The following PKNOX1 variants were observed in gnomAD, a reference collection of about 807,000 sequenced individuals.
The protein encoded by PKNOX1 is homeobox protein PKNOX1.
In PKNOX1, 15 loss-of-function variants were observed where a neutral mutation model predicts 51.9. The observed-to-expected ratio is 0.29, with a 90% CI of 0.19 to 0.45. PKNOX1 has a LOEUF of 0.45. Ranked by LOEUF, PKNOX1 falls within the 20% of genes least tolerant of loss-of-function variation. PKNOX1 has a pLI of 1.00. For missense variants in PKNOX1, 462 were observed against 547.5 expected (o/e 0.84, Z 1.56); for synonymous variants, 219 against 211.1 (o/e 1.04, Z -0.32).
chr21:42,987,757 T>C (rs1170853391), intron 1 of PKNOX1, among the ~76,000 whole-genome samples: 4 of 151,164 alleles, frequency 2.6e-5, no homozygotes, highest in Non-Finnish European at 1.5e-5. Flanking sequence ...TAGCTGGGAC[T>C]ACAGGTGCCC....
chr21:43,014,120 C>G (rs1163581147), intron 5 of PKNOX1, among the ~76,000 whole-genome samples: 1 of 147,884 alleles, frequency 6.8e-6, no homozygotes, highest in Non-Finnish European at 1.5e-5. Context: ...CTCCTGGGTT[C>G]ATGCCATTCT....
intron 7 of PKNOX1, among the ~76,000 whole-genome samples, chr21:43,019,709 A>G (rs1268968607): frequency 6.6e-6 from 1 of 151,758 alleles, no homozygotes; most frequent in African/African-American, 2.4e-5. Flanking sequence ...TGCCTGGCTA[A>G]TTTTTGTATT....
chr21:43,013,039 T>C (rs773688629), intron 4 of PKNOX1, 29 bp from the exon 5 acceptor site: 2 of 1,549,084 alleles, frequency 1.3e-6, no homozygotes, highest in South Asian at 1.2e-5. Context: ...CACCTTTTTC[T>C]CTGAAAGTCT....
At chr21:42,992,408 T>G (rs930061004) in intron 1 of PKNOX1, among the ~76,000 whole-genome samples, 1 of 152,146 alleles carries the variant, frequency 6.6e-6, no homozygotes, top group Non-Finnish European at 1.5e-5. Context: ...CTGCGTCTTC[T>G]AGAGTAGTCT....
chr21:42,987,404 A>AAAAAAATAT, intron 1 of PKNOX1, among the ~76,000 whole-genome samples: 2 of 41,408 alleles, frequency 4.8e-5, no homozygotes, highest in South Asian at 7.7e-4. Context: ...AAAAAAAAAA[A>AAAAAAATAT]ATATATATAT....
chr21:43,026,735 C>T (rs950374496), intron 9 of PKNOX1, among the ~76,000 whole-genome samples: 22 of 151,816 alleles, frequency 1.4e-4, no homozygotes, highest in Non-Finnish European at 2.5e-4. Flanking sequence ...CCAGCCTGGG[C>T]GACAGGGTGA....
chr21:43,026,237 G>A (rs747240638), intron 9 of PKNOX1, among the ~76,000 whole-genome samples: 5 of 152,112 alleles, frequency 3.3e-5, no homozygotes, highest in Non-Finnish European at 5.9e-5. Flanking sequence ...TTAACGAATT[G>A]TCTTATCTAG....
At chr21:43,005,186 T>TTA (rs1201899893) in intron 2 of PKNOX1, among the ~76,000 whole-genome samples, 1 of 152,164 alleles carries the variant, frequency 6.6e-6, no homozygotes, top group Non-Finnish European at 1.5e-5. Context: ...GCCCTGCCCT[T>TTA]TACTTTCCTG....
chr21:43,024,618 G>A (rs2276241), intron 8 of PKNOX1: 127 of 422,500 alleles, frequency 3.0e-4, no homozygotes, highest in African/African-American at 1.8e-3. Context: ...TGCTGTTATC[G>A]TCACCGCTGA....
chr21:42,974,953 G>A (rs1224149329), intron 1 of PKNOX1, among the ~76,000 whole-genome samples: 2 of 145,624 alleles, frequency 1.4e-5, no homozygotes, highest in Non-Finnish European at 3.1e-5. Flanking sequence ...GAGGGACGCG[G>A]AAATTTCTGG....
chr21:43,004,287 A>G (rs1273606980), intron 1 of PKNOX1, 39 bp from the exon 2 acceptor site: 1 of 852,488 alleles, frequency 1.2e-6, no homozygotes, highest in Non-Finnish European at 2.0e-6. Context: ...AAAATGCTCT[A>G]CAACTATTAA....
intron 9 of PKNOX1, among the ~76,000 whole-genome samples, chr21:43,028,283 G>A (rs866417592): frequency 1.3e-5 from 2 of 152,220 alleles, no homozygotes; most frequent in African/African-American, 2.4e-5. Context: ...ACGTCCAGAC[G>A]AGTGCAGACT....
chr21:42,979,318 T>C (rs1466848456), intron 1 of PKNOX1, among the ~76,000 whole-genome samples: 1 of 152,230 alleles, frequency 6.6e-6, no homozygotes, highest in African/African-American at 2.4e-5. Context: ...AGACACAAAG[T>C]GAGCTCCTGT....
chr21:43,018,238 C>A lies in PKNOX1; in HGVS notation c.720+8C>A. On this transcript the variant is annotated splice_region_variant and intron_variant, in intron 7 of 10. Coordinates refer to ENST00000291547, the MANE Select transcript of PKNOX1 (RefSeq NM_004571.5). ...AGGATCCAGAACTCCCAGGTGCGTG[C>A]GCCATTTTATGGAAGGCTTTGGGGG... 1 of 1,600,884 alleles carries A rather than the reference C, an allele frequency of 6.2e-7. No individual in the cohort carries two copies. Among genetic ancestry groups the A allele is most frequent in the East Asian group, 2.2e-5 (1 of 44,802 alleles).
chr21:43,011,592 G>T (rs1003166621), intron 4 of PKNOX1, among the ~76,000 whole-genome samples: 5 of 152,194 alleles, frequency 3.3e-5, no homozygotes, highest in African/African-American at 1.2e-4. Flanking sequence ...GTGTAACCAC[G>T]TGTTTACTTC....
At chr21:43,015,331 G>A (rs969099472) in intron 5 of PKNOX1, among the ~76,000 whole-genome samples, 1 of 152,206 alleles carries the variant, frequency 6.6e-6, no homozygotes, top group African/African-American at 2.4e-5. Flanking sequence ...AGCATTGATT[G>A]ATATGATTAT....
intron 1 of PKNOX1, among the ~76,000 whole-genome samples, chr21:42,976,212 A>G (rs995997752): frequency 1.3e-5 from 2 of 151,888 alleles, no homozygotes; most frequent in Non-Finnish European, 2.9e-5. Flanking sequence ...TAATTACAGT[A>G]TACTACTTAA....
chr21:43,023,863 C>T (rs1251724266), intron 8 of PKNOX1, among the ~76,000 whole-genome samples: 1 of 151,952 alleles, frequency 6.6e-6, no homozygotes, highest in Non-Finnish European at 1.5e-5. Context: ...ATCTGGCCAC[C>T]TTGGCCTCCC....
intron 9 of PKNOX1, among the ~76,000 whole-genome samples, chr21:43,028,062 C>T (rs1980060174): frequency 2.0e-5 from 3 of 152,232 alleles, no homozygotes; most frequent in South Asian, 4.1e-4. Context: ...CTGGTGCCTA[C>T]GTGCTGTGCT....
Sources: allele counts gnomAD v4.1 joint callset (sites outside exome capture counted in the v4.1 genomes callset), GRCh38; gene constraint gnomAD v4.1.1; transcripts MANE v1.5; gene names NCBI Gene and HGNC (gene_info 2026-07-23, HGNC 2026-07-21).